The following COL4A4 variants were observed in gnomAD, a reference collection of about 807,000 sequenced individuals.
COL4A4 encodes the protein collagen alpha-4(IV) chain.
Under a neutral mutation model 192.9 loss-of-function variants are expected in COL4A4, and 105 were observed. That is an observed-to-expected ratio of 0.54 (90% CI 0.46 to 0.64). The LOEUF (loss-of-function observed/expected upper bound fraction) is 0.64. Ranked by LOEUF, COL4A4 falls within the 30% of genes least tolerant of loss-of-function variation. COL4A4 has a pLI of 0.00. For missense variants in COL4A4, 1,967 were observed against 2,169.3 expected (o/e 0.91, Z 1.85); for synonymous variants, 762 against 769.9 (o/e 0.99, Z 0.17).
chr2:227,126,291 C>A (rs1039495551), intron 4 of COL4A4, among the ~76,000 whole-genome samples: 1 of 152,186 alleles, frequency 6.6e-6, no homozygotes, highest in African/African-American at 2.4e-5. Context: ...GGAACTGGAA[C>A]CAATTCCTCA....
intron 33 of COL4A4, 101 bp from the exon 34 acceptor site, chr2:227,050,232 T>C (rs1158928026): frequency 9.0e-7 from 1 of 1,113,756 alleles, no homozygotes; most frequent in Non-Finnish European, 1.4e-6. Flanking sequence ...AATTTGGTTT[T>C]TGTAATCTGC....
intron 44 of COL4A4, among the ~76,000 whole-genome samples, chr2:227,020,931 G>A (rs1192393106): frequency 1.5e-5 from 2 of 135,346 alleles, no homozygotes; most frequent in Non-Finnish European, 3.0e-5. Flanking sequence ...CCAGACTGGA[G>A]TGCAGCTCAC....
intron 45 of COL4A4, 109 bp from the exon 46 acceptor site, chr2:227,010,610 G>A (rs962762108): frequency 1.2e-6 from 1 of 868,746 alleles, no homozygotes; most frequent in African/African-American, 1.7e-5. Flanking sequence ...GAGCAGAGGG[G>A]AGCATGACTC....
chr2:227,126,438 A>G (rs2062094553), intron 4 of COL4A4, among the ~76,000 whole-genome samples: 1 of 152,264 alleles, frequency 6.6e-6, no homozygotes, highest in Admixed American at 6.5e-5. Context: ...CACCATGAGC[A>G]ATGACTCTGA....
intron 34 of COL4A4, 53 bp downstream of exon 34, chr2:227,050,015 A>G (rs1559498176): frequency 1.3e-6 from 2 of 1,532,338 alleles, no homozygotes; most frequent in East Asian, 4.5e-5. Flanking sequence ...ACAATGTTAT[A>G]AACATTCGGG....
chr2:227,009,749 A>G (rs1265839348), intron 46 of COL4A4, among the ~76,000 whole-genome samples: 3 of 112,742 alleles, frequency 2.7e-5, no homozygotes, highest in African/African-American at 6.9e-5. Flanking sequence ...AAGAGAAGAG[A>G]GAAGAGAAGA....
chr2:227,077,419 C>T (rs2059084175), intron 25 of COL4A4, among the ~76,000 whole-genome samples: 1 of 152,114 alleles, frequency 6.6e-6, no homozygotes, highest in Non-Finnish European at 1.5e-5. Context: ...CATGTTCTCG[C>T]TCATAAGTGG....
chr2:227,150,457 T>C (rs2063851498), intron 1 of COL4A4, among the ~76,000 whole-genome samples: 2 of 152,170 alleles, frequency 1.3e-5, no homozygotes, highest in Non-Finnish European at 2.9e-5. Flanking sequence ...CTTAGCTACC[T>C]TTGGACTTCT....
At chr2:227,106,723 G>A (rs984705472) in intron 12 of COL4A4, among the ~76,000 whole-genome samples, 1 of 152,116 alleles carries the variant, frequency 6.6e-6, no homozygotes, top group African/African-American at 2.4e-5. Context: ...ACGCCACCAT[G>A]CCCGGCTAAT....
rs543910186 is a variant in COL4A4 at position 227,003,099 on chromosome 2, T to G, written c.*4226A>C. 3 of 152,552 alleles carry G rather than the reference T, an allele frequency of 2.0e-5. No homozygotes were observed. Among genetic ancestry groups the G allele is most frequent in the African/African-American group, 7.2e-5 (3 of 41,584 alleles). 9.4% of individuals were successfully genotyped at this position (152,552 alleles called of 1,614,324 possible). ...TGTCCCTGCAGGAAATTGTGATATT[T>G]TCTGTGCTACAGTAACTTTGAGGAT... On this transcript the variant is annotated 3_prime_UTR_variant, in exon 48 of 48. Coordinates refer to ENST00000396625, the MANE Select transcript of COL4A4 (RefSeq NM_000092.5).
chr2:227,102,880 A>T lies in COL4A4; in HGVS notation c.871-32T>A, dbSNP rs773709327. On this transcript the variant is annotated intron_variant, in intron 14 of 47. Coordinates refer to ENST00000396625, the MANE Select transcript of COL4A4 (RefSeq NM_000092.5). ...GAGATGACAACATTTAGAGGGGTTC[A>T]AGCAACAATATTTCAGCAATAGGGA... 6.5e-6 allele frequency: 10 copies of T among 1,531,814 alleles called. 1 individual carries two copies. The South Asian group carries it at 1.1e-4, about 17-fold the overall frequency. 94.9% of individuals were successfully genotyped at this position (1,531,814 alleles called of 1,614,324 possible).
intron 7 of COL4A4, among the ~76,000 whole-genome samples, chr2:227,118,395 C>T (rs1347046408): frequency 6.6e-6 from 1 of 152,150 alleles, no homozygotes; most frequent in African/African-American, 2.4e-5. Context: ...CATGTTGCTT[C>T]CTTCCTTAAA....
At chr2:227,089,587 C>CTATATATATATATATATATATATA in intron 21 of COL4A4, among the ~76,000 whole-genome samples, 1 of 62,136 alleles carries the variant, frequency 1.6e-5, no homozygotes, top group South Asian at 6.9e-4. Flanking sequence ...GGCAAATGTT[C>CTATATATATATATATATATATATA]CATATATATA....
At chr2:227,054,121 TTA>T (rs1207535410) in intron 31 of COL4A4, among the ~76,000 whole-genome samples, 1 of 152,202 alleles carries the variant, frequency 6.6e-6, no homozygotes, top group African/African-American at 2.4e-5. Context: ...AAATTGTATT[TTA>T]TGTTTGTTTC....
chr2:227,150,535 C>G (rs2125427410), intron 1 of COL4A4, among the ~76,000 whole-genome samples: 1 of 152,204 alleles, frequency 6.6e-6, no homozygotes, highest in South Asian at 2.1e-4. Context: ...TAACTATACA[C>G]TTTTGTATTA....
At chr2:227,116,766 A>G (rs765059204) in intron 7 of COL4A4, among the ~76,000 whole-genome samples, 11 of 152,204 alleles carry the variant, frequency 7.2e-5, no homozygotes, top group Non-Finnish European at 1.5e-4. Flanking sequence ...CGTCCTAGGT[A>G]AAGTGACACA....
intron 25 of COL4A4, among the ~76,000 whole-genome samples, chr2:227,073,208 CA>C (rs2058822218): frequency 6.6e-6 from 1 of 152,026 alleles, no homozygotes. Flanking sequence ...TCTCAGGTTA[CA>C]AAATCATTGT....
chr2:227,062,433 A>G (rs1342484353), intron 26 of COL4A4, 97 bp downstream of exon 26: 14 of 797,526 alleles, frequency 1.8e-5, no homozygotes, highest in Non-Finnish European at 2.2e-6. Context: ...AAATGTCCTA[A>G]CTAGTCTGAG....
intron 13 of COL4A4, 83 bp downstream of exon 13, chr2:227,103,889 T>A: frequency 9.8e-7 from 1 of 1,021,330 alleles, no homozygotes. Context: ...TAGAAAGACC[T>A]CTATACTTTG....
Sources: allele counts gnomAD v4.1 joint callset (sites outside exome capture counted in the v4.1 genomes callset), GRCh38; gene constraint gnomAD v4.1.1; transcripts MANE v1.5; gene names NCBI Gene and HGNC (gene_info 2026-07-23, HGNC 2026-07-21).